The following CFAP43 variants were observed in gnomAD, a reference collection of about 807,000 sequenced individuals.
The protein encoded by CFAP43 is cilia- and flagella-associated protein 43.
CFAP43 carries 155 observed loss-of-function variants against 218.9 expected under a neutral mutation model. That is an observed-to-expected ratio of 0.71 (90% CI 0.62 to 0.81). The LOEUF (loss-of-function observed/expected upper bound fraction) is 0.81, where lower values mean the gene tolerates loss of function less well. Ranked by LOEUF, CFAP43 falls within the 30% of genes least tolerant of loss-of-function variation. CFAP43 has a pLI of 0.00. For missense variants in CFAP43, 1,778 were observed against 1,954.3 expected (o/e 0.91, Z 1.70); for synonymous variants, 645 against 681.3 (o/e 0.95, Z 0.83).
Position 104,130,154 on chromosome 10 carries a change from A to T in CFAP43, c.4983T>A (p.Ala1661=), listed in dbSNP as rs138778238. ...GCCAGCGTTTTTACATTTGAACAAG[A>T]GCAGGAAATGTTTTCATTCTTAATC... ...VERLRMKTFP[A]LVQM The change falls in exon 38 of 38, where the codon GCT becomes GCA. Residue 1661 remains alanine (A), a synonymous_variant. Transcript: ENST00000357060. The T allele has an allele frequency of 2.6e-4, 414 of 1,593,480 alleles. No individual in the cohort carries two copies. The highest frequency in any genetic ancestry group is 3.3e-4 in the Non-Finnish European group (391 of 1,172,526).
At chr10:104,152,787 T>A in intron 27 of CFAP43, 61 bp from the exon 28 acceptor site, 1 of 1,549,000 alleles carries the variant, frequency 6.5e-7, no homozygotes, top group Non-Finnish European at 8.7e-7. Flanking sequence ...TAGGAAGTGA[T>A]GTTTACATTT....
intron 2 of CFAP43, among the ~76,000 whole-genome samples, chr10:104,229,518 G>C (rs1467096390): frequency 8.2e-6 from 1 of 121,758 alleles, no homozygotes; most frequent in Non-Finnish European, 1.8e-5. Flanking sequence ...AAAAAAAAAA[G>C]CCGAGCATGG....
At chr10:104,142,215 A>G in intron 33 of CFAP43, 66 bp downstream of exon 33, 1 of 1,365,838 alleles carries the variant, frequency 7.3e-7, no homozygotes, top group South Asian at 1.3e-5. Context: ...CCCCAGTGAT[A>G]ACACAACCTG....
At position 104,231,117 on chromosome 10, in the gene CFAP43, G is replaced by C. The variant is rs116613300; in HGVS notation, c.66-274C>G. 3.0e-3 allele frequency among the ~76,000 whole-genome samples: 458 copies of C among 152,262 alleles called. 6 individuals carry two copies. The highest frequency in any genetic ancestry group is 0.011 in the African/African-American group (447 of 41,544). ...AAGGAAACTCTCTGACCAAACCTGAGAAAGTCTCAGAAGGACTTCTGGGGT... is the reference window on the plus strand; with the variant it reads ...AAGGAAACTCTCTGACCAAACCTGACAAAGTCTCAGAAGGACTTCTGGGGT... On this transcript the variant is annotated intron_variant, in intron 1 of 37. Transcript: ENST00000357060.
At chr10:104,220,490 C>T (rs2091146454) in intron 3 of CFAP43, among the ~76,000 whole-genome samples, 1 of 151,832 alleles carries the variant, frequency 6.6e-6, no homozygotes, top group South Asian at 2.1e-4. Flanking sequence ...TCAATGAAAG[C>T]TATAAAAGAG....
intron 20 of CFAP43, among the ~76,000 whole-genome samples, chr10:104,171,160 C>T (rs1044347282): frequency 1.3e-4 from 20 of 152,172 alleles, no homozygotes; most frequent in African/African-American, 4.8e-4. Flanking sequence ...GATTTGTTTA[C>T]GGCCTGTCTT....
At chr10:104,160,340 T>C (rs1208592778) in intron 27 of CFAP43, among the ~76,000 whole-genome samples, 1 of 152,214 alleles carries the variant, frequency 6.6e-6, no homozygotes. Flanking sequence ...AATAAAAATG[T>C]GGACAGGTTC....
At chr10:104,192,440 T>C (rs1469268428) in intron 11 of CFAP43, 138 bp from the exon 12 acceptor site, 1 of 674,040 alleles carries the variant, frequency 1.5e-6, no homozygotes, top group Non-Finnish European at 2.6e-6. Flanking sequence ...TCTCTGACCT[T>C]ATTAAAGTGG....
intron 16 of CFAP43, among the ~76,000 whole-genome samples, chr10:104,184,116 G>A (rs910015052): frequency 2.0e-5 from 3 of 152,196 alleles, no homozygotes; most frequent in African/African-American, 7.2e-5. Flanking sequence ...GATTACGGCA[G>A]TGAAAGAAGT....
At chr10:104,161,326 C>T (rs1221312470) in intron 26 of CFAP43, among the ~76,000 whole-genome samples, 164 bp from the exon 27 acceptor site, 1 of 152,134 alleles carries the variant, frequency 6.6e-6, no homozygotes, top group Non-Finnish European at 1.5e-5. Flanking sequence ...TAAAATTTTA[C>T]AACAGTTCTT....
intron 3 of CFAP43, among the ~76,000 whole-genome samples, chr10:104,214,777 G>A (rs752541863): frequency 6.6e-6 from 1 of 152,192 alleles, no homozygotes; most frequent in Non-Finnish European, 1.5e-5. Flanking sequence ...TACTACATGT[G>A]AGTACTCCAT....
intron 34 of CFAP43, among the ~76,000 whole-genome samples, chr10:104,134,038 G>T (rs1050819286): frequency 3.9e-5 from 6 of 152,064 alleles, no homozygotes; most frequent in Admixed American, 3.9e-4. Flanking sequence ...CAACAATTAG[G>T]CAGGAACTTT....
rs1358159278 is a variant in CFAP43 at position 104,212,216 on chromosome 10, C to T, written c.585-59G>A. The T allele has an allele frequency of 1.9e-6, 3 of 1,547,928 alleles. No homozygotes were observed. In the East Asian group the frequency reaches 6.8e-5, roughly 35 times the overall value. On this transcript the variant is annotated intron_variant, in intron 4 of 37. Coordinates refer to ENST00000357060, the MANE Select transcript of CFAP43 (RefSeq NM_025145.7). Reference sequence around the variant, plus strand: ...GAACAGAAACTTCTTATTGATGCAACCACTGCATATCAGTTTAAGTGAGGT... The same window carrying T: ...GAACAGAAACTTCTTATTGATGCAATCACTGCATATCAGTTTAAGTGAGGT...
chr10:104,181,908 T>A (rs1372769257), intron 17 of CFAP43, among the ~76,000 whole-genome samples: 2 of 152,200 alleles, frequency 1.3e-5, no homozygotes, highest in African/African-American at 4.8e-5. Flanking sequence ...CAACCCCCAA[T>A]TAGGATGTAA....
rs1325479464 is a variant in CFAP43 at position 104,162,330 on chromosome 10, C to A, written c.3320G>T (p.Trp1107Leu). Residue 1107 changes from tryptophan (W) to leucine (L), a missense_variant, in exon 25 of 38, where the codon TGG becomes TTG. By Grantham distance (61) the Trp-to-Leu change is moderately conservative. Coordinates refer to ENST00000357060, the MANE Select transcript of CFAP43 (RefSeq NM_025145.7). ...AAAGCTACATGCCTGTATCAGAAGC[C>A]AGTGCTCCTTTTCATGATTCACGAT... ...ELIVNHEKEH[W>L]LLIQDASTRL... 1.9e-6 allele frequency: 3 copies of A among 1,613,990 alleles called. No individual in the cohort carries two copies. The highest frequency in any genetic ancestry group is 1.3e-5 in the African/African-American group (1 of 74,948).
At chr10:104,219,198 C>T (rs978043933) in intron 3 of CFAP43, among the ~76,000 whole-genome samples, 4 of 151,860 alleles carry the variant, frequency 2.6e-5, no homozygotes, top group Admixed American at 6.6e-5. Context: ...CCAAGTCACA[C>T]GCAACTCTGG....
chr10:104,166,749 A>G, intron 22 of CFAP43, 31 bp from the exon 23 acceptor site: 13 of 1,549,160 alleles, frequency 8.4e-6, no homozygotes, highest in Non-Finnish European at 1.1e-5. Flanking sequence ...CACAGAAGTT[A>G]TGCAATAATA....
At chr10:104,193,526 G>A (rs530509396) in intron 11 of CFAP43, 18 of 193,848 alleles carry the variant, frequency 9.3e-5, no homozygotes, top group African/African-American at 3.9e-4. Flanking sequence ...TTACCTCATG[G>A]AGTTAATACA....
intron 34 of CFAP43, among the ~76,000 whole-genome samples, chr10:104,139,735 A>G (rs1172097423): frequency 1.3e-5 from 2 of 152,218 alleles, no homozygotes; most frequent in African/African-American, 4.8e-5. Flanking sequence ...AGTTAAAGGA[A>G]GTTCTTTAAG....
Sources: allele counts gnomAD v4.1 joint callset (sites outside exome capture counted in the v4.1 genomes callset), GRCh38; gene constraint gnomAD v4.1.1; transcripts MANE v1.5; gene names NCBI Gene and HGNC (gene_info 2026-07-23, HGNC 2026-07-21).